The following NAT1 variants were observed in gnomAD, a reference collection of about 807,000 sequenced individuals.
NAT1 encodes the protein N-acetyltransferase 1, also known as arylamine N-acetyltransferase 1.
For missense variants in NAT1, 400 were observed against 339.2 expected (o/e 1.18, Z -1.41); for synonymous variants, 144 against 122.6 (o/e 1.17, Z -1.16).
At chr8:18,186,722 A>G (rs1298401469) in intron 2 of NAT1, among the ~76,000 whole-genome samples, 1 of 152,038 alleles carries the variant, frequency 6.6e-6, no homozygotes, top group African/African-American at 2.4e-5. Flanking sequence ...TCATCCTTCC[A>G]GTGATTGCTT....
At chr8:18,173,495 A>T (rs7846216) in intron 2 of NAT1, among the ~76,000 whole-genome samples, 9,303 of 152,212 alleles carry the variant, frequency 0.061, 949 homozygotes, top group African/African-American at 0.21. Context: ...ACCTACATTC[A>T]GCCCCAGAGC....
At chr8:18,182,378 C>T (rs371802133) in intron 2 of NAT1, among the ~76,000 whole-genome samples, 61 of 152,132 alleles carry the variant, frequency 4.0e-4, no homozygotes, top group African/African-American at 1.3e-3. Flanking sequence ...ATTTTGTGTA[C>T]AAATTTTCTT....
chr8:18,200,897 C>T (rs1803432563), intron 2 of NAT1: 1 of 152,028 alleles, frequency 6.6e-6, no homozygotes, highest in Non-Finnish European at 1.5e-5. Context: ...GAGGGTCTTC[C>T]CTTCAGGGTA....
intron 2 of NAT1, among the ~76,000 whole-genome samples, chr8:18,193,631 CT>C (rs796247875): frequency 0.023 from 1,298 of 57,468 alleles, 9 homozygotes; most frequent in African/African-American, 0.077. Context: ...TGTAAACCTG[CT>C]TTTTTTTTTT....
At chr8:18,199,330 A>G (rs918518562) in intron 2 of NAT1, among the ~76,000 whole-genome samples, 1 of 151,824 alleles carries the variant, frequency 6.6e-6, no homozygotes, top group Non-Finnish European at 1.5e-5. Flanking sequence ...AAAAAAAAAA[A>G]AAAAAAAATT....
upstream of NAT1, among the ~76,000 whole-genome samples, chr8:18,209,591 T>C (rs370983138): frequency 4.6e-5 from 7 of 152,330 alleles, no homozygotes; most frequent in East Asian, 7.7e-4. Context: ...ATCACCCTCA[T>C]ACCACACACA....
intron 1 of NAT1, among the ~76,000 whole-genome samples, chr8:18,219,068 G>C (rs1804999088): frequency 6.6e-6 from 1 of 152,138 alleles, no homozygotes; most frequent in African/African-American, 2.4e-5. Context: ...TGTCATGGTA[G>C]TGACTGGGGG....
At chr8:18,178,235 T>A (rs1200510823) in intron 2 of NAT1, among the ~76,000 whole-genome samples, 2 of 152,104 alleles carry the variant, frequency 1.3e-5, no homozygotes, top group Non-Finnish European at 2.9e-5. Context: ...GTTTTGCATA[T>A]TTTTCTGGAT....
intron 2 of NAT1, among the ~76,000 whole-genome samples, chr8:18,202,921 G>A (rs61242851): frequency 0.032 from 4,910 of 152,198 alleles, 172 homozygotes; most frequent in African/African-American, 0.089. Flanking sequence ...GTCCATTTTA[G>A]AGGCGCTGAT....
rs762091516 is a variant in NAT1 at position 18,222,736 on chromosome 8, G to T, written c.689G>T (p.Gly230Val). The change falls in exon 3 of 3, where the codon GGG becomes GTG. Residue 230 changes from glycine to valine, a missense_variant. Physicochemically the swap from Gly to Val is moderately radical, Grantham distance 109. Transcript: ENST00000307719. ...TTTTGTTCCTTGCAGACCCCAGATG[G>T]GGTTCACTGTTTGGTGGGCTTCACC... Reference protein sequence around the residue: ...KSFCSLQTPDGVHCLVGFTLT... With the variant: ...KSFCSLQTPDVVHCLVGFTLT... The T allele has an allele frequency of 4.3e-6, 7 of 1,613,856 alleles. No individual in the cohort carries two copies. The highest frequency in any genetic ancestry group is 1.3e-5 in the African/African-American group (1 of 75,010).
chr8:18,197,734 G>A (rs919885891), intron 2 of NAT1, among the ~76,000 whole-genome samples: 4 of 152,128 alleles, frequency 2.6e-5, no homozygotes, highest in Admixed American at 2.0e-4. Flanking sequence ...CCTAATCTCA[G>A]TTTAGGAGTA....
At chr8:18,185,817 C>T (rs1802708862) in intron 2 of NAT1, among the ~76,000 whole-genome samples, 3 of 152,090 alleles carry the variant, frequency 2.0e-5, no homozygotes, top group Middle Eastern at 6.8e-3. Flanking sequence ...TTAAGTATTG[C>T]TTCGGCTATG....
chr8:18,199,192 T>C (rs1296502908), intron 2 of NAT1, among the ~76,000 whole-genome samples: 1 of 151,630 alleles, frequency 6.6e-6, no homozygotes, highest in Admixed American at 6.6e-5. Flanking sequence ...CGCACATCTA[T>C]AGTCTCAGCT....
At chr8:18,190,913 A>C (rs1454731088) in intron 2 of NAT1, among the ~76,000 whole-genome samples, 1 of 151,936 alleles carries the variant, frequency 6.6e-6, no homozygotes, top group Non-Finnish European at 1.5e-5. Context: ...CTAAAAATAC[A>C]AAAATTAGCT....
chr8:18,199,023 CT>C (rs35361039), intron 2 of NAT1, among the ~76,000 whole-genome samples: 15 of 151,652 alleles, frequency 9.9e-5, no homozygotes, highest in African/African-American at 3.6e-4. Flanking sequence ...CCTTTAAGAC[CT>C]TTTTTTTGGC....
chr8:18,201,175 C>A (rs1803446503), intron 2 of NAT1: 1 of 151,932 alleles, frequency 6.6e-6, no homozygotes, highest in African/African-American at 2.4e-5. Context: ...GTAATGAAGG[C>A]CAAGGTGACA....
At chr8:18,213,177 G>A (rs892501394) in intron 1 of NAT1, among the ~76,000 whole-genome samples, 6 of 151,704 alleles carry the variant, frequency 4.0e-5, no homozygotes, top group South Asian at 2.1e-4. Flanking sequence ...CTCCCAAAGC[G>A]CTGGGATGAC....
At chr8:18,182,917 G>A (rs1338496926) in intron 2 of NAT1, among the ~76,000 whole-genome samples, 1 of 151,918 alleles carries the variant, frequency 6.6e-6, no homozygotes, top group Admixed American at 6.6e-5. Context: ...ATCATTTTCT[G>A]CATAAAGATC....
chr8:18,198,659 T>A (rs767708687), intron 2 of NAT1, among the ~76,000 whole-genome samples: 39 of 152,238 alleles, frequency 2.6e-4, no homozygotes, highest in Admixed American at 2.6e-4. Context: ...AAAAATTGTA[T>A]ATATTTAAGG....
Sources: allele counts gnomAD v4.1 joint callset (sites outside exome capture counted in the v4.1 genomes callset), GRCh38; gene constraint gnomAD v4.1.1; transcripts MANE v1.5; gene names NCBI Gene and HGNC (gene_info 2026-07-23, HGNC 2026-07-21).